Variants in LTBR observed in about 807,000 individuals in gnomAD.
LTBR encodes the protein tumor necrosis factor receptor superfamily member 3.
In LTBR, 15 loss-of-function variants were observed where a neutral mutation model predicts 45.4. That is an observed-to-expected ratio of 0.33 (90% CI 0.22 to 0.51). The LOEUF (loss-of-function observed/expected upper bound fraction) is 0.51. Among genes scored for constraint, LTBR ranks in the 20% least tolerant of loss-of-function variants. LTBR has a pLI of 0.97. For synonymous variants in LTBR, 228 were observed against 231.0 expected (o/e 0.99, Z 0.12); for missense variants, 450 against 565.5 (o/e 0.80, Z 2.07).
At chr12:6,385,170 G>T in intron 3 of LTBR, 23 bp downstream of exon 3, 1 of 1,614,068 alleles carries the variant, frequency 6.2e-7, no homozygotes, top group East Asian at 2.2e-5. Context: ...GTGCCTGCGG[G>T]GGGGCTGGAT....
upstream of LTBR, chr12:6,375,390 T>G: frequency 6.7e-7 from 1 of 1,489,678 alleles, no homozygotes; most frequent in Non-Finnish European, 8.9e-7. Context: ...GCCCCAGGAC[T>G]GCAGGGCTCC....
chr12:6,385,217 TC>T lies in LTBR; in HGVS notation c.320-6del, dbSNP rs1327165969. ...TGGCCCCTCCCTGAGCCCTCCCGTCTCCCCGCCAGTGATGGGCCTCGAGGAG... is the reference window on the plus strand; with the variant it reads ...TGGCCCCTCCCTGAGCCCTCCCGTCTCCCGCCAGTGATGGGCCTCGAGGAG... On this transcript the variant is annotated splice_polypyrimidine_tract_variant and intron_variant, in intron 3 of 9. Coordinates refer to ENST00000228918, the MANE Select transcript of LTBR (RefSeq NM_002342.3). 6.2e-7 allele frequency: 1 copy of T among 1,613,818 alleles called. No homozygotes were observed. The highest frequency in any genetic ancestry group is 1.7e-5 in the Admixed American group (1 of 59,998).
intron 9 of LTBR, 60 bp downstream of exon 9, chr12:6,390,400 G>A (rs996377001): frequency 4.2e-6 from 6 of 1,412,916 alleles, no homozygotes; most frequent in Non-Finnish European, 5.8e-6. Flanking sequence ...CTGGCAGGGA[G>A]AGACTGTGGG....
chr12:6,379,933 C>CAAAAAAAAAAAACAAAAAAAAAAAAAAA (rs1948965046), upstream of LTBR, among the ~76,000 whole-genome samples: 1 of 115,994 alleles, frequency 8.6e-6, no homozygotes, highest in Non-Finnish European at 1.8e-5. Flanking sequence ...GACTCTGTCT[C>CAAAAAAAAAAAACAAAAAAAAAAAAAAA]AAAAAAAAAA....
At position 6,386,746 on chromosome 12, in the gene LTBR, GT is replaced by G. The variant is rs34689662; in HGVS notation, c.667+313del. 2,688 of 235,496 alleles carry G rather than the reference GT, an allele frequency of 0.011. 7 individuals are homozygous for G. Among genetic ancestry groups the G allele is most frequent in the African/African-American group, 0.018 (771 of 42,376 alleles). 14.6% of individuals were successfully genotyped at this position (235,496 alleles called of 1,614,324 possible). On this transcript the variant is annotated intron_variant, in intron 6 of 9. Coordinates refer to ENST00000228918, the MANE Select transcript of LTBR (RefSeq NM_002342.3). This position sits in a 1 kb window ranked among gnomAD's most constrained non-coding sequence, Gnocchi z 4.1. ...TGGGCTTACCAACATTACACAATCC[GT>G]TTTTTTTTTTCACACAATCCATTAA...
intron 1 of LTBR, chr12:6,377,873 G>T: frequency 2.6e-6 from 1 of 379,350 alleles, no homozygotes; most frequent in Non-Finnish European, 5.3e-6. Context: ...GCCAAAGGGT[G>T]GTGACCCTGC....
upstream of LTBR, among the ~76,000 whole-genome samples, chr12:6,382,648 C>A (rs910625928): frequency 6.6e-6 from 1 of 152,192 alleles, no homozygotes; most frequent in South Asian, 2.1e-4. Flanking sequence ...GGGGAGAGAG[C>A]CTCACAGAGT....
At chr12:6,375,937 G>C (rs764086825) in intron 1 of LTBR, 2 of 1,093,308 alleles carry the variant, frequency 1.8e-6, no homozygotes, top group Non-Finnish European at 2.2e-6. Flanking sequence ...GATAGGGATG[G>C]AGGAGGGGCA....
At chr12:6,375,528 G>A in exon 1 of LTBR, 2 of 1,535,380 alleles carry the variant, frequency 1.3e-6, no homozygotes, top group South Asian at 2.4e-5. Flanking sequence ...CGGCCTGGCT[G>A]GGGAGCCCGC....
At chr12:6,378,229 C>CT (rs5796227) in intron 1 of LTBR, among the ~76,000 whole-genome samples, 99,286 of 152,000 alleles carry the variant, frequency 0.65, 33,283 homozygotes, top group African/African-American at 0.81. Flanking sequence ...ATATATAGTT[C>CT]TTTTTTATGA....
Position 6,388,687 on chromosome 12 carries a change from C to A in LTBR, c.776-113C>A. 2 of 1,325,808 alleles carry A rather than the reference C, an allele frequency of 1.5e-6. No homozygotes were observed. The highest frequency in any genetic ancestry group is 2.1e-6 in the Non-Finnish European group (2 of 933,816). The allele number at this position is 1,325,808 out of a possible 1,614,324, so 82.1% of individuals were successfully genotyped here. On this transcript the variant is annotated intron_variant, in intron 7 of 9. Coordinates refer to ENST00000228918, the MANE Select transcript of LTBR (RefSeq NM_002342.3). The surrounding 1 kb of genome is among the most constrained non-coding windows in gnomAD (Gnocchi z 4.3). ...GAGATGAGAGTGACAGTGGCTTGTTCCTCTGGGCCCCCGGGTGGTCAAGTT... is the reference window on the plus strand; with the variant it reads ...GAGATGAGAGTGACAGTGGCTTGTTACTCTGGGCCCCCGGGTGGTCAAGTT...
intron 1 of LTBR, among the ~76,000 whole-genome samples, chr12:6,376,724 C>G (rs999881945): frequency 1.3e-5 from 2 of 152,100 alleles, no homozygotes; most frequent in African/African-American, 4.8e-5. Context: ...TCGGGAGAGC[C>G]ACCCACACAA....
chr12:6,379,004 C>T (rs974399806), intron 1 of LTBR, among the ~76,000 whole-genome samples: 1 of 152,186 alleles, frequency 6.6e-6, no homozygotes, highest in Non-Finnish European at 1.5e-5. Flanking sequence ...GTCTTCCTGC[C>T]TCTTGTTCTC....
intron 1 of LTBR, chr12:6,376,033 A>G (rs1948902700): frequency 1.0e-6 from 1 of 994,090 alleles, no homozygotes; most frequent in South Asian, 4.5e-5. Flanking sequence ...CAGGAAGGAG[A>G]GCAAGGGGGG....
rs3075360 is a variant in LTBR, at chr12:6,386,604, T to TACAC, written c.667+189_667+192dup. On this transcript the variant is annotated intron_variant, in intron 6 of 9. Transcript: ENST00000228918. This position sits in a 1 kb window ranked among gnomAD's most constrained non-coding sequence, Gnocchi z 4.1. Reference sequence around the variant, plus strand: ...AAATTGGAGTATCTCTAGGCTAGTTTACACACACACACACACACACACACA... The same window carrying TACAC: ...AAATTGGAGTATCTCTAGGCTAGTTTACACACACACACACACACACACACACACA... 3,483 of 546,376 alleles carry TACAC rather than the reference T, an allele frequency of 6.4e-3. 18 individuals are homozygous for TACAC. Among genetic ancestry groups the TACAC allele is most frequent in the African/African-American group, 0.03 (1,553 of 50,920 alleles). 33.8% of individuals were successfully genotyped at this position (546,376 alleles called of 1,614,324 possible). A position where few individuals can be genotyped will look rare whatever the true frequency, so the allele number is the denominator to read the frequency against.
At chr12:6,375,377 T>G (rs1948886775), upstream of LTBR, 4 of 1,471,308 alleles carry the variant, frequency 2.7e-6, no homozygotes, top group African/African-American at 4.2e-5. Context: ...TGATTCTGTC[T>G]CTGCCCCAGG....
At position 6,375,595 on chromosome 12, in the gene LTBR, G is replaced by A. The variant is rs1170633241; in HGVS notation, c.39+1G>A. On this transcript the variant is annotated splice_donor_variant, in intron 1 of 9. Transcript: ENST00000539925. LOFTEE classifies it high-confidence loss of function. ...AATCTCATTAGCATCTCAATTAAAG[G>A]TGAGCAGGGCGGGGGGAGGGGCTGA... 4.4e-6 allele frequency: 6 copies of A among 1,357,548 alleles called. No homozygotes were observed. The South Asian group carries it at 6.1e-5, about 14-fold the overall frequency. The allele number at this position is 1,357,548 out of a possible 1,614,324, so 84.1% of individuals were successfully genotyped here.
At chr12:6,377,139 C>T (rs1948925924) in intron 1 of LTBR, 1 of 795,080 alleles carries the variant, frequency 1.3e-6, no homozygotes, top group East Asian at 2.8e-5. Context: ...GGCAGTACTC[C>T]AGGCTCAGGG....
chr12:6,377,291 C>T, intron 1 of LTBR: 1 of 1,548,618 alleles, frequency 6.5e-7, no homozygotes, highest in Non-Finnish European at 8.7e-7. Context: ...GAAGGGACAG[C>T]TGGATTTTTC....
Sources: allele counts gnomAD v4.1 joint callset (sites outside exome capture counted in the v4.1 genomes callset), GRCh38; gene constraint gnomAD v4.1.1; non-coding constraint Gnocchi (gnomAD v3.1); transcripts MANE v1.5; gene names NCBI Gene and HGNC (gene_info 2026-07-23, HGNC 2026-07-21).